The following GHR variants were observed in gnomAD, a reference collection of about 807,000 sequenced individuals.
GHR encodes the protein growth hormone receptor.
A neutral mutation model predicts 67.1 loss-of-function variants in GHR; 35 were observed. That is an observed-to-expected ratio of 0.52 (90% CI 0.40 to 0.69). GHR has a LOEUF of 0.69. Ranked by LOEUF, GHR falls within the 30% of genes least tolerant of loss-of-function variation. The probability of loss-of-function intolerance (pLI) is 0.00; values close to 1 mark genes in which losing one functional copy is unlikely to be tolerated. For synonymous variants in GHR, 272 were observed against 269.1 expected (o/e 1.01, Z -0.10); for missense variants, 792 against 764.6 (o/e 1.04, Z -0.42).
At position 42,534,198 on chromosome 5, in the gene GHR, GTA is replaced by G. The variant is rs1561102471; in HGVS notation, c.-11-31660_-11-31659del. ...TATATGTATGTATATATGTACATGT[GTA>G]TATATGTATATATGTATATATGTAC... On this transcript the variant is annotated intron_variant, in intron 1 of 9. Transcript: ENST00000230882. Among the ~76,000 whole-genome samples the G allele has an allele frequency of 3.2e-4, 44 of 136,384 alleles. 1 individual carries two copies. The highest frequency in any genetic ancestry group is 1.3e-3 in the African/African-American group (43 of 34,054). The allele number at this position is 136,384 out of a possible 152,430, so 89.5% of individuals were successfully genotyped here.
intron 1 of GHR, among the ~76,000 whole-genome samples, chr5:42,457,508 A>G (rs1048973911): frequency 6.6e-6 from 1 of 152,280 alleles, no homozygotes; most frequent in East Asian, 1.9e-4. Flanking sequence ...AAATGTTATT[A>G]TTTCCTGGTT....
chr5:42,497,527 C>T (rs540134885), intron 1 of GHR, among the ~76,000 whole-genome samples: 3 of 152,270 alleles, frequency 2.0e-5, no homozygotes, highest in African/African-American at 4.8e-5. Flanking sequence ...CTACAGGCCA[C>T]CTGTTTTTGG....
intron 8 of GHR, among the ~76,000 whole-genome samples, chr5:42,715,536 G>A (rs1758679855): frequency 6.6e-6 from 1 of 152,104 alleles, no homozygotes; most frequent in Non-Finnish European, 1.5e-5. Flanking sequence ...ATAGTTTCAA[G>A]TCAGGCTATT....
intron 1 of GHR, among the ~76,000 whole-genome samples, chr5:42,485,171 A>G (rs757394164): frequency 5.9e-5 from 9 of 152,120 alleles, no homozygotes; most frequent in Non-Finnish European, 1.2e-4. Context: ...GTCCCTTACC[A>G]TGGTCTTGCT....
At chr5:42,482,830 C>T (rs550459397) in intron 1 of GHR, among the ~76,000 whole-genome samples, 9 of 152,358 alleles carry the variant, frequency 5.9e-5, no homozygotes, top group Non-Finnish European at 5.9e-5. Context: ...TTGCGCTTCC[C>T]AGGTGAGGCG....
chr5:42,536,741 A>G (rs1324526514), intron 1 of GHR, among the ~76,000 whole-genome samples: 1 of 152,110 alleles, frequency 6.6e-6, no homozygotes, highest in Non-Finnish European at 1.5e-5. Context: ...AAGGATTGGT[A>G]TCAATTCTTC....
At chr5:42,655,876 G>T (rs1416653426) in intron 3 of GHR, among the ~76,000 whole-genome samples, 1 of 151,972 alleles carries the variant, frequency 6.6e-6, no homozygotes, top group East Asian at 1.9e-4. Context: ...ATCAGATTTG[G>T]TTAGAGTTGA....
intron 1 of GHR, among the ~76,000 whole-genome samples, chr5:42,523,251 C>A (rs568266129): frequency 1.4e-4 from 22 of 152,242 alleles, no homozygotes; most frequent in African/African-American, 5.3e-4. Context: ...TAGTAGTCAG[C>A]AGATAAATAC....
intron 3 of GHR, among the ~76,000 whole-genome samples, chr5:42,665,075 G>A (rs534649216): frequency 2.6e-4 from 39 of 152,136 alleles, no homozygotes; most frequent in Admixed American, 5.9e-4. Flanking sequence ...TTAGAATGGC[G>A]ATCATTAAAA....
Position 42,718,842 on chromosome 5 carries a change from G to A in GHR, c.1335G>A (p.Gln445=). The change falls in exon 10 of 10, where the codon CAG becomes CAA. Residue 445 remains glutamine, a synonymous_variant. Transcript: ENST00000230882. ...PYHDACPATQ[Q]PSVIQAEKNK... The stretch of plus-strand genomic sequence containing the variant: ...ATGATGCTTGCCCTGCTACTCAGCA[G>A]CCCAGTGTTATCCAAGCAGAGAAAA... The A allele has an allele frequency of 6.2e-7, 1 of 1,614,076 alleles. No homozygotes were observed. Among genetic ancestry groups the A allele is most frequent in the Non-Finnish European group, 8.5e-7 (1 of 1,180,004 alleles).
intron 1 of GHR, among the ~76,000 whole-genome samples, chr5:42,507,785 A>G (rs1746840120): frequency 6.6e-6 from 1 of 152,192 alleles, no homozygotes; most frequent in African/African-American, 2.4e-5. Context: ...GACAGAAGCT[A>G]AAGTTCTGGA....
intron 3 of GHR, among the ~76,000 whole-genome samples, chr5:42,664,080 A>C (rs1047535286): frequency 3.3e-5 from 5 of 152,336 alleles, no homozygotes; most frequent in African/African-American, 1.2e-4. Context: ...ACCACTGCTC[A>C]ATGAAATAAA....
At chr5:42,526,682 C>T (rs1357088446) in intron 1 of GHR, among the ~76,000 whole-genome samples, 1 of 152,160 alleles carries the variant, frequency 6.6e-6, no homozygotes, top group Non-Finnish European at 1.5e-5. Context: ...TGAAGCCATT[C>T]TCCCCAGCCT....
intron 2 of GHR, among the ~76,000 whole-genome samples, chr5:42,590,001 G>A (rs1379383571): frequency 2.0e-5 from 3 of 152,178 alleles, no homozygotes; most frequent in African/African-American, 7.2e-5. Flanking sequence ...AGTTGGAGTG[G>A]AGAAAGGCAA....
intron 2 of GHR, among the ~76,000 whole-genome samples, chr5:42,579,164 A>ATAGT (rs1751012082): frequency 2.5e-5 from 3 of 117,690 alleles, no homozygotes; most frequent in South Asian, 4.8e-4. Context: ...AGATAGATAG[A>ATAGT]TAGATAGATA....
chr5:42,608,593 A>T (rs1752740741), intron 2 of GHR, among the ~76,000 whole-genome samples: 1 of 152,164 alleles, frequency 6.6e-6, no homozygotes, highest in African/African-American at 2.4e-5. Flanking sequence ...CTTTTTGTGG[A>T]TTGTTGTCAA....
chr5:42,451,638 G>A (rs1360572971), intron 1 of GHR, among the ~76,000 whole-genome samples: 1 of 150,762 alleles, frequency 6.6e-6, no homozygotes, highest in Non-Finnish European at 1.5e-5. Flanking sequence ...CCCAGGAGGT[G>A]GAGGTCATAG....
intron 1 of GHR, among the ~76,000 whole-genome samples, chr5:42,539,563 G>C (rs922257102): frequency 6.6e-6 from 1 of 152,192 alleles, no homozygotes; most frequent in African/African-American, 2.4e-5. Flanking sequence ...CACAGTATTT[G>C]GGGTGTCTCC....
chr5:42,598,991 C>T (rs1752224794), intron 2 of GHR, among the ~76,000 whole-genome samples: 2 of 152,288 alleles, frequency 1.3e-5, no homozygotes, highest in South Asian at 4.2e-4. Flanking sequence ...CTCAGTAGAG[C>T]TCTACTTCAT....
Sources: gnomAD v4.1 joint callset for allele counts (sites outside exome capture counted in the v4.1 genomes callset) on GRCh38, gnomAD v4.1.1 for gene constraint, MANE v1.5 for transcripts, NCBI Gene and HGNC (gene_info 2026-07-23, HGNC 2026-07-21) for gene names.